The following PPM1D variants were observed in gnomAD, a reference collection of about 807,000 sequenced individuals.
The protein encoded by PPM1D is protein phosphatase 1D.
Under a neutral mutation model 58.3 loss-of-function variants are expected in PPM1D, and 52 were observed. That is an observed-to-expected ratio of 0.89 (90% CI 0.71 to 1.12). PPM1D has a LOEUF of 1.12. PPM1D is among the 50% of genes most tolerant of loss of function. The pLI is 0.00. For synonymous variants in PPM1D, 278 were observed against 285.1 expected (o/e 0.98, Z 0.25); for missense variants, 564 against 777.2 (o/e 0.73, Z 3.26).
At chr17:60,635,608 G>GATAA (rs1388543279) in intron 3 of PPM1D, among the ~76,000 whole-genome samples, 24 of 152,150 alleles carry the variant, frequency 1.6e-4, no homozygotes, top group Non-Finnish European at 3.2e-4. Flanking sequence ...CACACAAGAT[G>GATAA]ATAATATTTC....
chr17:60,661,166 C>T (rs1416608787), intron 5 of PPM1D, among the ~76,000 whole-genome samples: 2 of 144,904 alleles, frequency 1.4e-5, no homozygotes, highest in Non-Finnish European at 3.0e-5. Context: ...TTGTGGTGAA[C>T]CAAGATTGTG....
chr17:60,658,572 C>T (rs1374907399), intron 5 of PPM1D, among the ~76,000 whole-genome samples: 3 of 150,480 alleles, frequency 2.0e-5, no homozygotes, highest in Non-Finnish European at 4.4e-5. Context: ...CGCTTGAACC[C>T]AGGAGGCGGA....
At position 60,656,800 on chromosome 17, in the gene PPM1D, T is replaced by G. The variant is rs764943941; in HGVS notation, c.1219T>G (p.Cys407Gly). The G allele has an allele frequency of 6.2e-7, 1 of 1,614,164 alleles. No homozygotes were observed. The highest frequency in any genetic ancestry group is 1.3e-5 in the African/African-American group (1 of 75,066). Residue 407 changes from cysteine to glycine, a missense_variant, in exon 5 of 6, where the codon TGT becomes GGT. Cys to Gly is a radical substitution (Grantham distance 159). Transcript: ENST00000305921. ...CCCTTCCTATAATAGTCAAGAAACCTGTGTGATGACTCCTTCCCCATGTTC... is the reference window on the plus strand; with the variant it reads ...CCCTTCCTATAATAGTCAAGAAACCGGTGTGATGACTCCTTCCCCATGTTC... ...DSPSYNSQET[C>G]VMTPSPCSTP...
intron 1 of PPM1D, among the ~76,000 whole-genome samples, chr17:60,622,073 C>T (rs527521318): frequency 1.9e-4 from 29 of 150,942 alleles, no homozygotes; most frequent in African/African-American, 6.3e-4. Context: ...GCCTGTAGTC[C>T]CAGCTATTTG....
intron 2 of PPM1D, among the ~76,000 whole-genome samples, chr17:60,626,238 GA>G (rs777103808): frequency 2.6e-5 from 4 of 151,942 alleles, no homozygotes; most frequent in Non-Finnish European, 5.9e-5. Context: ...TGTATGTTTT[GA>G]ATATTGATAA....
At chr17:60,615,675 CTTTTTTTT>C (rs746657008) in intron 1 of PPM1D, among the ~76,000 whole-genome samples, 1 of 124,838 alleles carries the variant, frequency 8.0e-6, no homozygotes, top group East Asian at 2.3e-4. Flanking sequence ...TTTCTTTTTA[CTTTTTTTT>C]TTTTTTTTTT....
At chr17:60,629,445 G>T (rs947762628) in intron 2 of PPM1D, among the ~76,000 whole-genome samples, 3 of 152,150 alleles carry the variant, frequency 2.0e-5, no homozygotes, top group African/African-American at 7.2e-5. Context: ...AGCTGCTATG[G>T]TGGCATACTC....
At position 60,644,795 on chromosome 17, in the gene PPM1D, T is replaced by C. The variant is rs533323654; in HGVS notation, c.827-3097T>C. On this transcript the variant is annotated intron_variant, in intron 3 of 5. Transcript: ENST00000305921. ...TAGATTTAGCATACACAGTCTATCA[T>C]ATTTTTATGTACTAAAAATGAACAA... Among the ~76,000 whole-genome samples the C allele has an allele frequency of 1.5e-4, 23 of 152,354 alleles. 1 individual carries two copies. In the East Asian group the frequency reaches 4.4e-3, roughly 29 times the overall value.
intron 5 of PPM1D, among the ~76,000 whole-genome samples, chr17:60,660,664 GGT>G (rs1002689438): frequency 2.6e-5 from 4 of 151,852 alleles, no homozygotes; most frequent in African/African-American, 9.7e-5. Context: ...GGGAGGGTGA[GGT>G]GGGAGAATCG....
chr17:60,655,951 T>G lies in PPM1D; in HGVS notation c.1018-648T>G, dbSNP rs974705277. Among the ~76,000 whole-genome samples the G allele has an allele frequency of 7.3e-5, 11 of 151,656 alleles. No homozygotes were observed. In the South Asian group the frequency reaches 1.5e-3, roughly 20 times the overall value. On this transcript the variant is annotated intron_variant, in intron 4 of 5. Coordinates refer to ENST00000305921, the MANE Select transcript of PPM1D (RefSeq NM_003620.4). The stretch of plus-strand genomic sequence containing the variant: ...CTCCTGACCTCATGATCCACCCGCC[T>G]CCTCCTCCCAAAGTGCTGGGATTAC...
intron 3 of PPM1D, among the ~76,000 whole-genome samples, chr17:60,641,976 T>A (rs1476546061): frequency 6.6e-6 from 1 of 152,224 alleles, no homozygotes. Flanking sequence ...AAAAGGGAAT[T>A]GGCTGTCTGC....
chr17:60,635,839 A>G (rs2031013365), intron 3 of PPM1D, among the ~76,000 whole-genome samples: 1 of 152,170 alleles, frequency 6.6e-6, no homozygotes, highest in East Asian at 1.9e-4. Flanking sequence ...TTAGTTATCT[A>G]TTGCTGTGTA....
At chr17:60,618,034 A>G (rs2030620422) in intron 1 of PPM1D, among the ~76,000 whole-genome samples, 1 of 152,222 alleles carries the variant, frequency 6.6e-6, no homozygotes, top group South Asian at 2.1e-4. Context: ...TTTTGAAGAA[A>G]GTCATGCTCT....
intron 3 of PPM1D, among the ~76,000 whole-genome samples, chr17:60,642,673 G>A (rs2031158987): frequency 6.6e-6 from 1 of 151,974 alleles, no homozygotes; most frequent in Non-Finnish European, 1.5e-5. Flanking sequence ...TGGCCAGGAT[G>A]GTCTAAATCT....
intron 1 of PPM1D, among the ~76,000 whole-genome samples, chr17:60,607,213 A>C (rs1464508480): frequency 6.6e-6 from 1 of 152,002 alleles, no homozygotes; most frequent in Non-Finnish European, 1.5e-5. Flanking sequence ...CCTAATTTAT[A>C]CTCACATATA....
chr17:60,615,429 A>G (rs191676588), intron 1 of PPM1D, among the ~76,000 whole-genome samples: 235 of 151,810 alleles, frequency 1.5e-3, no homozygotes, highest in Non-Finnish European at 2.9e-3. Context: ...TGAAAAGAAT[A>G]CTTAAGTGAG....
At chr17:60,621,339 G>A (rs2030696890) in intron 1 of PPM1D, among the ~76,000 whole-genome samples, 1 of 152,036 alleles carries the variant, frequency 6.6e-6, no homozygotes, top group Non-Finnish European at 1.5e-5. Flanking sequence ...GGATATCCAG[G>A]TTTTCCAGTG....
intron 5 of PPM1D, chr17:60,657,092 A>T (rs560391791): frequency 5.9e-6 from 8 of 1,353,686 alleles, no homozygotes; most frequent in Admixed American, 6.3e-5. Flanking sequence ...AATGCTATGA[A>T]CATTATTTTT....
intron 1 of PPM1D, among the ~76,000 whole-genome samples, chr17:60,610,507 G>A (rs527319279): frequency 6.6e-6 from 1 of 152,232 alleles, no homozygotes; most frequent in African/African-American, 2.4e-5. Flanking sequence ...GAATATTTCC[G>A]TACATGTCTT....
Sources: allele counts gnomAD v4.1 joint callset (sites outside exome capture counted in the v4.1 genomes callset), GRCh38; gene constraint gnomAD v4.1.1; transcripts MANE v1.5; gene names NCBI Gene and HGNC (gene_info 2026-07-23, HGNC 2026-07-21).